The following XYLT1 variants were observed in gnomAD, a reference collection of about 807,000 sequenced individuals.
XYLT1 encodes beta-D-xylosyltransferase 1.
XYLT1 carries 36 observed loss-of-function variants against 91.3 expected under a neutral mutation model. That is an observed-to-expected ratio of 0.39 (90% CI 0.30 to 0.52). The LOEUF is 0.52. XYLT1 is among the 20% of genes least tolerant of loss of function. XYLT1 has a pLI of 0.68. For synonymous variants in XYLT1, 588 were observed against 532.0 expected (o/e 1.11, Z -1.45); for missense variants, 1,242 against 1,284.5 (o/e 0.97, Z 0.51).
chr16:17,177,895 A>G (rs1032248978), intron 5 of XYLT1, among the ~76,000 whole-genome samples: 5 of 152,270 alleles, frequency 3.3e-5, no homozygotes, highest in African/African-American at 1.2e-4. Context: ...TCAACCAAGG[A>G]AAGATAAACG....
At chr16:17,128,180 G>A (rs1370391722) in intron 9 of XYLT1, among the ~76,000 whole-genome samples, 1 of 152,164 alleles carries the variant, frequency 6.6e-6, no homozygotes, top group African/African-American at 2.4e-5. Flanking sequence ...AGTGAAAATG[G>A]TGTGTGAACA....
At chr16:17,194,622 T>A (rs1270395607) in intron 5 of XYLT1, among the ~76,000 whole-genome samples, 1 of 152,188 alleles carries the variant, frequency 6.6e-6, no homozygotes, top group East Asian at 1.9e-4. Flanking sequence ...CACAAGCTCA[T>A]GGGGTGGGAC....
At chr16:17,135,645 A>T (rs1296475400) in intron 8 of XYLT1, among the ~76,000 whole-genome samples, 3 of 152,164 alleles carry the variant, frequency 2.0e-5, no homozygotes, top group Admixed American at 2.0e-4. Context: ...TCAAGGCAAC[A>T]GGCCCAGAGA....
Position 17,134,675 on chromosome 16 carries a change from T to C in XYLT1, c.1825A>G (p.Ile609Val). 1 of 1,614,148 alleles carries C rather than the reference T, an allele frequency of 6.2e-7. No homozygotes were observed. The highest frequency in any genetic ancestry group is 8.5e-7 in the Non-Finnish European group (1 of 1,180,020). Residue 609 changes from isoleucine to valine, a missense_variant, in exon 9 of 12, where the codon ATT becomes GTT. By Grantham distance (29) the Ile-to-Val change is conservative (BLOSUM62 3). Transcript: ENST00000261381. ...KFEAVVNQEI[I>V]GQLDYYLYGN... ...TACAGGTAATAGTCCAGCTGCCCAATGATTTCCTGATTCACCACGGCTTCA... is the reference window on the plus strand; with the variant it reads ...TACAGGTAATAGTCCAGCTGCCCAACGATTTCCTGATTCACCACGGCTTCA...
In XYLT1 at chr16:17,443,828, A is replaced by G. The variant is rs1280957850; in HGVS notation, c.363+26606T>C. On this transcript the variant is annotated intron_variant, in intron 1 of 11. Transcript: ENST00000261381. The stretch of plus-strand genomic sequence containing the variant: ...CTTTGCACTTTGTCATCATATCTAG[A>G]CTAGAGGGTTTTCTTTTTGAAAGCT... Among the ~76,000 whole-genome samples, 4 of 152,094 alleles carry G rather than the reference A, an allele frequency of 2.6e-5. No homozygotes were observed. In the East Asian group the frequency reaches 7.7e-4, roughly 29 times the overall value.
intron 2 of XYLT1, among the ~76,000 whole-genome samples, chr16:17,266,254 C>G (rs1329714914): frequency 6.6e-6 from 1 of 152,140 alleles, no homozygotes; most frequent in African/African-American, 2.4e-5. Context: ...CTCTTTGCCT[C>G]AGTTTCCTCA....
intron 1 of XYLT1, among the ~76,000 whole-genome samples, chr16:17,466,889 T>TG (rs904249101): frequency 1.4e-5 from 2 of 146,108 alleles, no homozygotes; most frequent in African/African-American, 2.5e-5. Context: ...ATTGAAAGTG[T>TG]GAAAAAAAAA....
intron 1 of XYLT1, among the ~76,000 whole-genome samples, chr16:17,393,870 G>A (rs558888502): frequency 6.6e-6 from 1 of 152,080 alleles, no homozygotes; most frequent in Middle Eastern, 3.4e-3. Context: ...CCGCCTCCTG[G>A]GTTCACACCA....
chr16:17,150,579 C>G (rs1404603830), intron 6 of XYLT1, among the ~76,000 whole-genome samples: 2 of 152,158 alleles, frequency 1.3e-5, no homozygotes, highest in Admixed American at 6.5e-5. Context: ...CCCATGAGGG[C>G]TCATTTTACA....
intron 3 of XYLT1, among the ~76,000 whole-genome samples, chr16:17,236,863 T>C (rs79634087): frequency 0.054 from 8,198 of 152,320 alleles, 296 homozygotes; most frequent in African/African-American, 0.092. Flanking sequence ...CACGCTCTAA[T>C]GACCTCACTT....
In XYLT1 at chr16:17,149,016, G is replaced by T. The variant is rs553458701; in HGVS notation, c.1371-7647C>A. 3.9e-5 allele frequency among the ~76,000 whole-genome samples: 6 copies of T among 152,298 alleles called. No homozygotes were observed. In the South Asian group the frequency reaches 1.2e-3, roughly 32 times the overall value. ...ATATTTTTACCTATTAGCACACTAAGGAAAAAGTCACAGCTAAATATGATC... is the reference window on the plus strand; with the variant it reads ...ATATTTTTACCTATTAGCACACTAATGAAAAAGTCACAGCTAAATATGATC... On this transcript the variant is annotated intron_variant, in intron 6 of 11. Coordinates refer to ENST00000261381, the MANE Select transcript of XYLT1 (RefSeq NM_022166.4).
intron 2 of XYLT1, among the ~76,000 whole-genome samples, chr16:17,345,166 C>T (rs539568198): frequency 2.6e-5 from 4 of 152,326 alleles, no homozygotes; most frequent in African/African-American, 7.2e-5. Context: ...TCTGACCACT[C>T]GTCATCCAGG....
chr16:17,131,315 T>C (rs1351409824), intron 9 of XYLT1, among the ~76,000 whole-genome samples: 1 of 152,204 alleles, frequency 6.6e-6, no homozygotes, highest in Admixed American at 6.5e-5. Context: ...AGAAAAATAA[T>C]CAAGATGCCG....
chr16:17,228,645 A>T (rs920227882), intron 3 of XYLT1, among the ~76,000 whole-genome samples: 2 of 152,112 alleles, frequency 1.3e-5, no homozygotes, highest in Non-Finnish European at 2.9e-5. Context: ...TTGTGATTGG[A>T]GAAGGCTTCT....
At chr16:17,438,737 G>C (rs990574808) in intron 1 of XYLT1, among the ~76,000 whole-genome samples, 2 of 152,090 alleles carry the variant, frequency 1.3e-5, no homozygotes, top group Non-Finnish European at 2.9e-5. Flanking sequence ...TGGCAGGAGA[G>C]AGAGAGTGAA....
intron 1 of XYLT1, among the ~76,000 whole-genome samples, chr16:17,391,944 G>C (rs1212790043): frequency 6.6e-6 from 1 of 152,144 alleles, no homozygotes; most frequent in Non-Finnish European, 1.5e-5. Context: ...CTTCCGTCAT[G>C]ACTGCAAGGC....
chr16:17,193,470 C>G (rs771124111), intron 5 of XYLT1: 1 of 152,218 alleles, frequency 6.6e-6, no homozygotes, highest in Non-Finnish European at 1.5e-5. Flanking sequence ...CCAGTAAACA[C>G]CAGTGCATCT....
At position 17,122,873 on chromosome 16, in the gene XYLT1, G is replaced by A. The variant is rs528952173; in HGVS notation, c.2223+4793C>T. 3.9e-5 allele frequency among the ~76,000 whole-genome samples: 6 copies of A among 152,182 alleles called. No homozygotes were observed. The East Asian group carries it at 1.2e-3, about 29-fold the overall frequency. On this transcript the variant is annotated intron_variant, in intron 10 of 11. Transcript: ENST00000261381. ...TTCCCACTTTGTTTTTGTGTGCCGT[G>A]TTGAAGATCAGTAAGTATTTGGCTT...
intron 5 of XYLT1, among the ~76,000 whole-genome samples, chr16:17,188,002 G>A (rs533212333): frequency 3.7e-4 from 57 of 152,128 alleles, no homozygotes; most frequent in East Asian, 1.9e-3. Flanking sequence ...TCTCCTGAAC[G>A]AGGCTGTTTT....
Sources: gnomAD v4.1 joint callset for allele counts (sites outside exome capture counted in the v4.1 genomes callset) on GRCh38, gnomAD v4.1.1 for gene constraint, MANE v1.5 for transcripts, NCBI Gene and HGNC (gene_info 2026-07-23, HGNC 2026-07-21) for gene names.